Variants in PAPOLA observed in about 807,000 individuals in gnomAD.
PAPOLA encodes polynucleotide adenylyltransferase alpha.
PAPOLA carries 15 observed loss-of-function variants against 100.6 expected under a neutral mutation model. The ratio of observed to expected loss-of-function variants is 0.15; its 90% CI spans 0.10 to 0.23. PAPOLA has a LOEUF of 0.23. Ranked by LOEUF, PAPOLA falls within the 10% of genes least tolerant of loss-of-function variation. PAPOLA has a pLI of 1.00. For missense variants in PAPOLA, 533 were observed against 884.2 expected (o/e 0.60, Z 5.04); for synonymous variants, 293 against 300.0 (o/e 0.98, Z 0.24).
Position 96,520,169 on chromosome 14 carries a change from A to G in PAPOLA, c.123A>G (p.Lys41=). Residue 41 remains lysine (K), a synonymous_variant, in exon 2 of 22, where the codon AAA becomes AAG. Transcript: ENST00000216277. The part of the protein sequence containing the change: ...PKETDCVLTQ[K]LIETLKPFGV... ...AGACTGACTGCGTACTTACACAGAA[A>G]CTAATTGAGACATTGAAACCCTTTG... The G allele has an allele frequency of 1.2e-6, 2 of 1,614,060 alleles. No individual in the cohort carries two copies. The highest frequency in any genetic ancestry group is 1.7e-6 in the Non-Finnish European group (2 of 1,179,924).
At chr14:96,505,462 A>G (rs756510573) in intron 1 of PAPOLA, among the ~76,000 whole-genome samples, 1 of 152,208 alleles carries the variant, frequency 6.6e-6, no homozygotes, top group Non-Finnish European at 1.5e-5. Flanking sequence ...ACATATGATA[A>G]AAAGGTGTGA....
chr14:96,532,816 AT>A (rs112354137), intron 9 of PAPOLA, 167 bp downstream of exon 9: 16 of 1,335,244 alleles, frequency 1.2e-5, no homozygotes, highest in East Asian at 2.9e-5. Flanking sequence ...AACTGAAACT[AT>A]TTTTTTTCCC....
chr14:96,535,782 A>G lies in PAPOLA; in HGVS notation c.910-97A>G, dbSNP rs566184488. On this transcript the variant is annotated intron_variant, in intron 10 of 21. Coordinates refer to ENST00000216277, the MANE Select transcript of PAPOLA (RefSeq NM_032632.5). ...TCAACTCCAGCTATGAATGAAATAAAAAATAGAATCATTGGTTCAGTTTAA... is the reference window on the plus strand; with the variant it reads ...TCAACTCCAGCTATGAATGAAATAAGAAATAGAATCATTGGTTCAGTTTAA... 233 of 1,100,194 alleles carry G rather than the reference A, an allele frequency of 2.1e-4. 1 individual carries two copies. Among genetic ancestry groups the G allele is most frequent in the Non-Finnish European group, 2.7e-4 (222 of 822,558 alleles). The allele number at this position is 1,100,194 out of a possible 1,614,324, so 68.2% of individuals were successfully genotyped here.
intron 17 of PAPOLA, among the ~76,000 whole-genome samples, chr14:96,555,589 C>G (rs1901248809): frequency 1.3e-5 from 2 of 152,154 alleles, no homozygotes; most frequent in African/African-American, 2.4e-5. Flanking sequence ...GCTACCATGT[C>G]CAGTAGCACA....
chr14:96,517,564 T>TG lies in PAPOLA; in HGVS notation c.9-2486dup, dbSNP rs563558381. Among the ~76,000 whole-genome samples, 33 of 152,030 alleles carry TG rather than the reference T, an allele frequency of 2.2e-4. No homozygotes were observed. The South Asian group carries it at 5.4e-3, about 25-fold the overall frequency. ...TATGTCAGTGATATCTCAATAAAAC[T>TG]GGGGGAAAAAAAAACCTGTGTGTGA... On this transcript the variant is annotated intron_variant, in intron 1 of 21. Coordinates refer to ENST00000216277, the MANE Select transcript of PAPOLA (RefSeq NM_032632.5).
In PAPOLA at chr14:96,533,327, G is replaced by A. The variant is rs1899207582; in HGVS notation, c.836+678G>A. 9.2e-6 allele frequency: 9 copies of A among 983,588 alleles called. No individual in the cohort carries two copies. In the South Asian group the frequency reaches 4.2e-4, roughly 46 times the overall value. The allele number at this position is 983,588 out of a possible 1,614,324, so 60.9% of individuals were successfully genotyped here. A position where few individuals can be genotyped will look rare whatever the true frequency, so the allele number is the denominator to read the frequency against. ...AAATTAAGATAAATCGTCCATTCCTGTTCTTATGAACTCCTGCTCCTCCCT... is the reference window on the plus strand; with the variant it reads ...AAATTAAGATAAATCGTCCATTCCTATTCTTATGAACTCCTGCTCCTCCCT... On this transcript the variant is annotated intron_variant, in intron 9 of 21. Coordinates refer to ENST00000216277, the MANE Select transcript of PAPOLA (RefSeq NM_032632.5).
chr14:96,548,306 A>C (rs1900552799), intron 16 of PAPOLA, among the ~76,000 whole-genome samples: 1 of 152,214 alleles, frequency 6.6e-6, no homozygotes, highest in Admixed American at 6.5e-5. Context: ...CTTTTAAAAA[A>C]TGAAAGTCGC....
chr14:96,521,219 ATTT>A (rs1897937173), intron 3 of PAPOLA, 147 bp downstream of exon 3: 1 of 587,674 alleles, frequency 1.7e-6, no homozygotes, highest in African/African-American at 1.9e-5. Flanking sequence ...ATTTTACATT[ATTT>A]TTCTAGTTAA....
intron 5 of PAPOLA, 126 bp downstream of exon 5, chr14:96,527,665 G>A (rs1483191180): frequency 6.3e-6 from 4 of 633,324 alleles, no homozygotes; most frequent in Non-Finnish European, 1.1e-5. Flanking sequence ...TAAACACTTG[G>A]CATATGTGTT....
intron 19 of PAPOLA, among the ~76,000 whole-genome samples, chr14:96,559,581 C>CTCTATATATATATATATATA (rs370979875): frequency 8.3e-6 from 1 of 120,182 alleles, no homozygotes; most frequent in African/African-American, 3.4e-5. Flanking sequence ...CTCTCTCTCT[C>CTCTATATATATATATATATA]TATATATATA....
intron 1 of PAPOLA, among the ~76,000 whole-genome samples, chr14:96,511,433 C>T (rs1222304783): frequency 6.6e-6 from 1 of 152,158 alleles, no homozygotes; most frequent in Non-Finnish European, 1.5e-5. Flanking sequence ...AGTACTTAAA[C>T]ATTAACTATT....
In PAPOLA at chr14:96,562,851, A is replaced by C; in HGVS notation, c.2100A>C (p.Gln700His). 2 of 1,612,328 alleles carry C rather than the reference A, an allele frequency of 1.2e-6. No homozygotes were observed. Among genetic ancestry groups the C allele is most frequent in the Non-Finnish European group, 1.7e-6 (2 of 1,178,754 alleles). Reference sequence around the variant, plus strand: ...TTGATACAGAGACAAGTACAACTCAATCAGAAACTATTCAGACAGCGGCTT... The same window carrying C: ...TTGATACAGAGACAAGTACAACTCACTCAGAAACTATTCAGACAGCGGCTT... ...EQLDTETSTT[Q>H]SETIQTAASL... is the part of the protein sequence containing the mutation. The change falls in exon 21 of 22, where the codon CAA becomes CAC. Residue 700 changes from glutamine (Q) to histidine (H), a missense_variant. Around this residue, in one of 9 missense-constraint regions of PAPOLA, gnomAD observed 242 missense variants for 281.0 expected, o/e 0.86. Coordinates refer to ENST00000216277, the MANE Select transcript of PAPOLA (RefSeq NM_032632.5).
At chr14:96,561,137 T>G (rs902427721) in intron 20 of PAPOLA, among the ~76,000 whole-genome samples, 6 of 152,078 alleles carry the variant, frequency 3.9e-5, no homozygotes, top group Non-Finnish European at 5.9e-5. Context: ...TCTCTTTGGG[T>G]TGAGAATTTG....
intron 1 of PAPOLA, chr14:96,502,918 A>G (rs954299716): frequency 2.8e-6 from 1 of 363,620 alleles, no homozygotes; most frequent in Admixed American, 4.5e-5. Context: ...TCCACAAAGA[A>G]AATCAAAACA....
intron 6 of PAPOLA, among the ~76,000 whole-genome samples, chr14:96,529,770 G>A (rs1898830804): frequency 6.6e-6 from 1 of 152,040 alleles, no homozygotes; most frequent in Non-Finnish European, 1.5e-5. Context: ...TAAAAGGCTT[G>A]TTTACAGCGA....
At chr14:96,544,633 A>C (rs528198878) in intron 15 of PAPOLA, among the ~76,000 whole-genome samples, 9 of 151,918 alleles carry the variant, frequency 5.9e-5, no homozygotes, top group African/African-American at 2.2e-4. Flanking sequence ...GGGATACTCA[A>C]CCTGTGTATA....
At chr14:96,502,671 G>C in intron 1 of PAPOLA, 71 bp downstream of exon 1, 1 of 1,524,698 alleles carries the variant, frequency 6.6e-7, no homozygotes, top group South Asian at 1.2e-5. Flanking sequence ...AAGGGGAAGA[G>C]GTAGGCGGAG....
At chr14:96,530,511 C>G (rs980043174) in intron 6 of PAPOLA, among the ~76,000 whole-genome samples, 102 of 152,026 alleles carry the variant, frequency 6.7e-4, no homozygotes, top group African/African-American at 2.4e-3. Flanking sequence ...CTCAGCCCCC[C>G]CAAGTAGGTG....
intron 12 of PAPOLA, among the ~76,000 whole-genome samples, chr14:96,538,549 A>ATT (rs1899723601): frequency 6.6e-6 from 1 of 151,966 alleles, no homozygotes; most frequent in African/African-American, 2.4e-5. Flanking sequence ...AAATAATCAA[A>ATT]TTTTTTTAGG....
Sources: gnomAD v4.1 joint callset for allele counts (sites outside exome capture counted in the v4.1 genomes callset) on GRCh38, gnomAD v4.1.1 for gene constraint, gnomAD v4.1.1 regional missense constraint, MANE v1.5 for transcripts, NCBI Gene and HGNC (gene_info 2026-07-23, HGNC 2026-07-21) for gene names.